NOTCH1: variants seen among roughly 807,000 people sequenced by gnomAD.
NOTCH1 encodes notch receptor 1.
NOTCH1 carries 37 observed loss-of-function variants against 254.8 expected under a neutral mutation model. The ratio of observed to expected loss-of-function variants is 0.15; its 90% CI spans 0.11 to 0.19. The LOEUF (loss-of-function observed/expected upper bound fraction) is 0.19, where lower values mean the gene tolerates loss of function less well. Ranked by LOEUF, NOTCH1 falls within the 10% of genes least tolerant of loss-of-function variation. The pLI, the probability that NOTCH1 is intolerant of heterozygous loss-of-function variation, is 1.00. For missense variants in NOTCH1, 2,972 were observed against 3,708.6 expected (o/e 0.80, Z 5.16); for synonymous variants, 1,731 against 1,618.1 (o/e 1.07, Z -1.68).
rs3124603 is a variant in NOTCH1, at chr9:136,515,725, T to C, written c.1670-9A>G. 592,542 of 1,532,674 alleles carry C rather than the reference T, an allele frequency of 0.39. 124,882 individuals are homozygous for C. The highest frequency in any genetic ancestry group is 0.87 in the East Asian group (35,590 of 40,884). The allele number at this position is 1,532,674 out of a possible 1,614,324, so 94.9% of individuals were successfully genotyped here. A position where few individuals can be genotyped will look rare whatever the true frequency, so the allele number is the denominator to read the frequency against. On this transcript the variant is annotated splice_polypyrimidine_tract_variant and intron_variant, in intron 10 of 33. Coordinates refer to ENST00000651671, the MANE Select transcript of NOTCH1 (RefSeq NM_017617.5). ...GTGCGTCCCCGTGTACCCTGGACCG[T>C]GGGAGGGGCGGGCACAGGAAGACTT...
chr9:136,515,488 G>A lies in NOTCH1; in HGVS notation c.1898C>T (p.Thr633Ile), dbSNP rs1843250340. The change falls in exon 11 of 34, where the codon ACC becomes ATC. Residue 633 changes from threonine (T) to isoleucine (I), a missense_variant. Thr to Ile is a moderately conservative substitution (Grantham distance 89, BLOSUM62 -1). Around this residue, in one of 8 missense-constraint regions of NOTCH1, gnomAD observed 1,343 missense variants for 1,557.0 expected, o/e 0.86. Transcript: ENST00000651671. ...CCACCCGCCTGGCCGGCCACCTGTG[G>A]TCCCCTTCAGGCAGAAGCAGAGGTA... ...NAYLCFCLKG[T>I]TGPNCEINLD... The A allele has an allele frequency of 1.2e-6, 2 of 1,611,774 alleles. No homozygotes were observed. Among genetic ancestry groups the A allele is most frequent in the Non-Finnish European group, 1.7e-6 (2 of 1,179,730 alleles).
chr9:136,501,456 A>AG (rs1473744818), intron 30 of NOTCH1, among the ~76,000 whole-genome samples: 2 of 146,450 alleles, frequency 1.4e-5, no homozygotes, highest in East Asian at 1.9e-4. Context: ...AAAAGAAAAA[A>AG]AAAAAGAAAA....
chr9:136,496,989 C>A lies in NOTCH1; in HGVS notation c.6750G>T (p.Ala2250=). The change falls in exon 34 of 34, where the codon GCG becomes GCT. Residue 2250 remains alanine (A), a synonymous_variant. Transcript: ENST00000651671. ...THLGIGHLNV[A]AKPEMAALGG... ...CCAGCGCCGCCATCTCGGGCTTGGC[C>A]GCCACGTTCAGGTGCCCGATGCCCA... is the stretch of plus-strand genomic sequence containing the variant. The A allele has an allele frequency of 1.2e-6, 2 of 1,610,422 alleles. No individual in the cohort carries two copies. Among genetic ancestry groups the A allele is most frequent in the Non-Finnish European group, 1.7e-6 (2 of 1,179,050 alleles).
chr9:136,513,645 ACTCAGACT>A lies in NOTCH1; in HGVS notation c.2208-116_2208-109del, dbSNP rs1843218481. ...TATGGGCTGGCGGAGGTGCCCATCCACTCAGACTCGCAGAGTCCTTTAGTGGGGGCAGG... is the reference window on the plus strand; with the variant it reads ...TATGGGCTGGCGGAGGTGCCCATCCACGCAGAGTCCTTTAGTGGGGGCAGG... On this transcript the variant is annotated intron_variant, in intron 13 of 33. Coordinates refer to ENST00000651671, the MANE Select transcript of NOTCH1 (RefSeq NM_017617.5). This position sits in a 1 kb window ranked among gnomAD's most constrained non-coding sequence, Gnocchi z 4.7. 1.6e-6 allele frequency: 2 copies of A among 1,287,786 alleles called. No homozygotes were observed. Among genetic ancestry groups the A allele is most frequent in the Non-Finnish European group, 2.2e-6 (2 of 913,760 alleles). 79.8% of individuals were successfully genotyped at this position (1,287,786 alleles called of 1,614,324 possible). A position where few individuals can be genotyped will look rare whatever the true frequency, so the allele number is the denominator to read the frequency against.
At position 136,497,377 on chromosome 9, in the gene NOTCH1, C is replaced by T. The variant is rs761054017; in HGVS notation, c.6362G>A (p.Ser2121Asn). The T allele has an allele frequency of 1.9e-6, 3 of 1,608,680 alleles. No homozygotes were observed. The highest frequency in any genetic ancestry group is 2.2e-5 in the East Asian group (1 of 44,834). ...CAGCGGGGCTCCGTGCAGCTGCGGG[C>T]TGCGCACCAGGTTGTACTCGTCCAG... is the stretch of plus-strand genomic sequence containing the variant. Reference protein sequence around the residue: ...RLLDEYNLVRSPQLHGAPLGG... With the variant: ...RLLDEYNLVRNPQLHGAPLGG... Residue 2121 changes from serine (S) to asparagine (N), a missense_variant, in exon 34 of 34, where the codon AGC becomes AAC. Physicochemically the swap from Ser to Asn is conservative, Grantham distance 46 (BLOSUM62 1). Around this residue, in one of 8 missense-constraint regions of NOTCH1, gnomAD observed 529 missense variants for 529.2 expected, o/e 1.00. Coordinates refer to ENST00000651671, the MANE Select transcript of NOTCH1 (RefSeq NM_017617.5).
intron 2 of NOTCH1, among the ~76,000 whole-genome samples, chr9:136,526,887 C>T (rs1843469017): frequency 6.6e-6 from 1 of 152,226 alleles, no homozygotes; most frequent in Non-Finnish European, 1.5e-5. Context: ...GGCAGGAGCC[C>T]CAGCCGGAGG....
rs2133363867 is a variant in NOTCH1 at position 136,515,604 on chromosome 9, G to T, written c.1782C>A (p.Gly594=). ...VATFTCLCRP[G]YTGHHCETNI... Reference sequence around the variant, plus strand: ...TGGTCTCGCAGTGGTGGCCCGTGTAGCCTGGGCGGCAGAGGCAGGTGAAGG... The same window carrying T: ...TGGTCTCGCAGTGGTGGCCCGTGTATCCTGGGCGGCAGAGGCAGGTGAAGG... Residue 594 remains glycine (G), a synonymous_variant, in exon 11 of 34, where the codon GGC becomes GGA. Coordinates refer to ENST00000651671, the MANE Select transcript of NOTCH1 (RefSeq NM_017617.5). 1 of 1,609,522 alleles carries T rather than the reference G, an allele frequency of 6.2e-7. No homozygotes were observed.
chr9:136,535,945 G>A (rs1843648241), intron 2 of NOTCH1, among the ~76,000 whole-genome samples: 1 of 133,262 alleles, frequency 7.5e-6, no homozygotes, highest in Admixed American at 7.9e-5. Context: ...TGGGTGGAGA[G>A]GGGAGCACTC....
intron 27 of NOTCH1, 141 bp downstream of exon 27, chr9:136,503,041 C>T: frequency 7.9e-7 from 1 of 1,269,862 alleles, no homozygotes; most frequent in African/African-American, 1.5e-5. Flanking sequence ...TCAGAAAATT[C>T]CAGAAAAGCC....
At chr9:136,507,118 C>A in intron 22 of NOTCH1, 145 bp from the exon 23 acceptor site, 1 of 1,450,362 alleles carries the variant, frequency 6.9e-7, no homozygotes, top group Non-Finnish European at 9.4e-7. Context: ...CGTGGAGACG[C>A]CCTTCCCACT....
At position 136,511,264 on chromosome 9, in the gene NOTCH1, C is replaced by A. The variant is rs766045141; in HGVS notation, c.2475G>T (p.Thr825=). 5 of 1,611,518 alleles carry A rather than the reference C, an allele frequency of 3.1e-6. No homozygotes were observed. The highest frequency in any genetic ancestry group is 4.2e-6 in the Non-Finnish European group (5 of 1,179,780). ...CACACGGGGCCAGCACCACCTCACA[C>A]GTGGCACCTGCGGGAAGGAGACACA... ...CNCLLPYTGA[T]CEVVLAPCAP... Residue 825 remains threonine (T), a synonymous_variant, in exon 16 of 34, where the codon ACG becomes ACT. Transcript: ENST00000651671.
At position 136,508,271 on chromosome 9, in the gene NOTCH1, C is replaced by CGTCGCA; in HGVS notation, c.3280_3285dup (p.Cys1094_Asp1095dup). ...GCCACCTCACAGGACACGCTGGGCA[C>CGTCGCA]GTCGCAGTAAAGGCCGGTCCAGCCG... is the stretch of plus-strand genomic sequence containing the variant. On this transcript the variant is annotated inframe_insertion, in exon 20 of 34. Coordinates refer to ENST00000651671, the MANE Select transcript of NOTCH1 (RefSeq NM_017617.5). 1.2e-6 allele frequency: 2 copies of CGTCGCA among 1,612,748 alleles called. No individual in the cohort carries two copies. Among genetic ancestry groups the CGTCGCA allele is most frequent in the Non-Finnish European group, 1.7e-6 (2 of 1,179,958 alleles).
chr9:136,523,659 G>A, intron 3 of NOTCH1, 58 bp downstream of exon 3: 1 of 1,553,710 alleles, frequency 6.4e-7, no homozygotes, highest in Non-Finnish European at 8.7e-7. Flanking sequence ...CAAGTTGCCT[G>A]GGCAGCTGGC....
At chr9:136,536,510 G>A (rs1310000618) in intron 2 of NOTCH1, among the ~76,000 whole-genome samples, 2 of 152,212 alleles carry the variant, frequency 1.3e-5, no homozygotes, top group Non-Finnish European at 2.9e-5. Flanking sequence ...AGACTGGGCG[G>A]GTGGGGGCTG....
chr9:136,499,048 A>C (rs1282553032), intron 32 of NOTCH1, 52 bp from the exon 33 acceptor site: 1 of 1,612,508 alleles, frequency 6.2e-7, no homozygotes, highest in African/African-American at 1.3e-5. Flanking sequence ...GAGGCAACCC[A>C]GTCCCACCCG....
At chr9:136,531,350 G>A (rs1843555994) in intron 2 of NOTCH1, among the ~76,000 whole-genome samples, 1 of 152,240 alleles carries the variant, frequency 6.6e-6, no homozygotes, top group South Asian at 2.1e-4. Flanking sequence ...ACCTGCTGAT[G>A]GGGACCAGAG....
chr9:136,544,350 A>G (rs989318525), intron 1 of NOTCH1, among the ~76,000 whole-genome samples: 1 of 152,206 alleles, frequency 6.6e-6, no homozygotes, highest in African/African-American at 2.4e-5. Flanking sequence ...GGGGAGCAGC[A>G]GGGAACACGT....
chr9:136,539,812 A>G (rs1843705895), intron 2 of NOTCH1, among the ~76,000 whole-genome samples: 1 of 152,114 alleles, frequency 6.6e-6, no homozygotes, highest in Non-Finnish European at 1.5e-5. Context: ...GACTCAATGG[A>G]AAGAGCCAGA....
chr9:136,502,263 T>A lies in NOTCH1; in HGVS notation c.5384+9A>T, dbSNP rs772467278. The A allele has an allele frequency of 6.4e-7, 1 of 1,560,578 alleles. No homozygotes were observed. Among genetic ancestry groups the A allele is most frequent in the South Asian group, 1.1e-5 (1 of 90,304 alleles). ...CGGGGACCCAGAAGCAGGGGCGGCG[T>A]CCGCTCACTTGAGGCCCACGGAGTC... On this transcript the variant is annotated intron_variant, in intron 28 of 33. Coordinates refer to ENST00000651671, the MANE Select transcript of NOTCH1 (RefSeq NM_017617.5).
Sources: allele counts gnomAD v4.1 joint callset (sites outside exome capture counted in the v4.1 genomes callset), GRCh38; gene constraint gnomAD v4.1.1; regional missense constraint gnomAD v4.1.1; non-coding constraint Gnocchi (gnomAD v3.1); transcripts MANE v1.5; gene names NCBI Gene and HGNC (gene_info 2026-07-23, HGNC 2026-07-21).